SLC35C1: variants seen among roughly 807,000 people sequenced by gnomAD.
SLC35C1 encodes the protein solute carrier family 35 member C1, also known as GDP-fucose transporter 1.
Under a neutral mutation model 23.2 loss-of-function variants are expected in SLC35C1, and 8 were observed. The ratio of observed to expected loss-of-function variants is 0.35; its 90% CI spans 0.20 to 0.62. The LOEUF is 0.62. SLC35C1 is among the 20% of genes least tolerant of loss of function. SLC35C1 has a pLI of 0.75. For missense variants in SLC35C1, 422 were observed against 478.6 expected (o/e 0.88, Z 1.10); for synonymous variants, 226 against 225.1 (o/e 1.00, Z -0.04).
At chr11:45,808,282 C>G (rs988990021) in intron 1 of SLC35C1, among the ~76,000 whole-genome samples, 5 of 152,048 alleles carry the variant, frequency 3.3e-5, no homozygotes, top group African/African-American at 1.2e-4. Context: ...GGTGGATCAC[C>G]TGAGATCAGT....
rs2134597499 is a variant in SLC35C1 at position 45,810,896 on chromosome 11, T to C, written c.656T>C (p.Val219Ala). 6.2e-7 allele frequency: 1 copy of C among 1,612,334 alleles called. No homozygotes were observed. The highest frequency in any genetic ancestry group is 1.7e-5 in the Admixed American group (1 of 60,028). Residue 219 changes from valine (V) to alanine (A), a missense_variant, in exon 2 of 2, where the codon GTG becomes GCG. Transcript: ENST00000314134. The part of the protein sequence containing the change: ...VSLNAIYTTK[V>A]LPAVDGSIWR... The stretch of plus-strand genomic sequence containing the variant: ...CTCAACGCCATCTACACCACGAAGG[T>C]GCTCCCGGCGGTGGACGGCAGCATC...
chr11:45,810,606 TTG>T, intron 1 of SLC35C1, 168 bp from the exon 2 acceptor site: 1 of 985,384 alleles, frequency 1.0e-6, no homozygotes, highest in Non-Finnish European at 1.2e-6. Context: ...GTGGAGTGCT[TTG>T]CCTGCAGTGG....
In SLC35C1 at chr11:45,805,335, G is replaced by GGGCCCCCCCCCC; in HGVS notation, c.-467_-466insGGCCCCCCCCCC. On this transcript the variant is annotated 5_prime_UTR_variant, in exon 1 of 2. Transcript: ENST00000314134. ...GCTCCCTGTACGCCTCCCTCCCCCT[G>GGGCCCCCCCCCC]CCCGCCCCTCCCTCCCACAGCCGCC... is the stretch of plus-strand genomic sequence containing the variant. 14 of 566,198 alleles carry GGGCCCCCCCCCC rather than the reference G, an allele frequency of 2.5e-5. No individual in the cohort carries two copies. The highest frequency in any genetic ancestry group is 2.9e-5 in the Non-Finnish European group (14 of 483,450). 35.1% of individuals were successfully genotyped at this position (566,198 alleles called of 1,614,324 possible).
At chr11:45,810,700 T>C in intron 1 of SLC35C1, 76 bp from the exon 2 acceptor site, 3 of 1,538,824 alleles carry the variant, frequency 1.9e-6, no homozygotes, top group Non-Finnish European at 2.6e-6. Context: ...ATTTGGTGTC[T>C]GATCCTCTGT....
At position 45,805,335 on chromosome 11, in the gene SLC35C1, G is replaced by GGGCCCCCC; in HGVS notation, c.-467_-466insGGCCCCCC. The GGGCCCCCC allele has an allele frequency of 8.7e-5, 49 of 566,138 alleles. No homozygotes were observed. Among genetic ancestry groups the GGGCCCCCC allele is most frequent in the Admixed American group, 1.3e-4 (1 of 7,536 alleles). The allele number at this position is 566,138 out of a possible 1,614,324, so 35.1% of individuals were successfully genotyped here. A position where few individuals can be genotyped will look rare whatever the true frequency, so the allele number is the denominator to read the frequency against. ...GCTCCCTGTACGCCTCCCTCCCCCT[G>GGGCCCCCC]CCCGCCCCTCCCTCCCACAGCCGCC... is the stretch of plus-strand genomic sequence containing the variant. On this transcript the variant is annotated 5_prime_UTR_variant, in exon 1 of 2. Transcript: ENST00000314134.
At chr11:45,804,110 G>C (rs2085839307), upstream of SLC35C1, 1 of 152,320 alleles carries the variant, frequency 6.6e-6, no homozygotes, top group Non-Finnish European at 1.5e-5. Context: ...CCGGTAGCGC[G>C]GCGGGCCAGG....
At chr11:45,809,858 A>C in intron 1 of SLC35C1, 7 of 985,430 alleles carry the variant, frequency 7.1e-6, no homozygotes, top group Non-Finnish European at 8.4e-6. Context: ...GACTGTCACC[A>C]TGGGCAGGGG....
At position 45,811,465 on chromosome 11, in the gene SLC35C1, A is replaced by G. The variant is rs556115720; in HGVS notation, c.*130A>G. 2.1e-4 allele frequency: 146 copies of G among 682,836 alleles called. 1 individual carries two copies. In the South Asian group the frequency reaches 3.4e-3, roughly 16 times the overall value. The allele number at this position is 682,836 out of a possible 1,614,324, so 42.3% of individuals were successfully genotyped here. A position where few individuals can be genotyped will look rare whatever the true frequency, so the allele number is the denominator to read the frequency against. On this transcript the variant is annotated 3_prime_UTR_variant, in exon 2 of 2. Coordinates refer to ENST00000314134, the MANE Select transcript of SLC35C1 (RefSeq NM_018389.5). ...GGACTGGGTGCTACTTATAGACCCAATCAGAATACGGTGGTTGAGAAGGAA... is the reference window on the plus strand; with the variant it reads ...GGACTGGGTGCTACTTATAGACCCAGTCAGAATACGGTGGTTGAGAAGGAA...
rs1565044716 is a variant in SLC35C1 at position 45,812,478 on chromosome 11, T to TG, written c.*1149dup. ...AACAGAAACGTATTGCTCACAGTCCTGGGGGGCTGGGACGCCCAAGATCAA... is the reference window on the plus strand; with the variant it reads ...AACAGAAACGTATTGCTCACAGTCCTGGGGGGGCTGGGACGCCCAAGATCAA... On this transcript the variant is annotated 3_prime_UTR_variant, in exon 2 of 2. Coordinates refer to ENST00000314134, the MANE Select transcript of SLC35C1 (RefSeq NM_018389.5). The TG allele has an allele frequency of 8.8e-6, 4 of 452,660 alleles. No homozygotes were observed. Among genetic ancestry groups the TG allele is most frequent in the Non-Finnish European group, 1.8e-5 (4 of 224,860 alleles). The allele number at this position is 452,660 out of a possible 1,614,324, so 28.0% of individuals were successfully genotyped here.
chr11:45,811,304 A>G lies in SLC35C1; in HGVS notation c.1064A>G (p.Lys355Arg), dbSNP rs2085945230. The G allele has an allele frequency of 6.5e-7, 1 of 1,544,628 alleles. No homozygotes were observed. The highest frequency in any genetic ancestry group is 8.7e-7 in the Non-Finnish European group (1 of 1,153,678). Residue 355 changes from lysine (K) to arginine (R), a missense_variant, in exon 2 of 2, where the codon AAA becomes AGA. Lys to Arg is a conservative substitution (Grantham distance 26). Coordinates refer to ENST00000314134, the MANE Select transcript of SLC35C1 (RefSeq NM_018389.5). The part of the protein sequence containing the change: ...MKKTPEEPSP[K>R]DSEKSAMGV Reference sequence around the variant, plus strand: ...AAGACTCCGGAGGAGCCCAGCCCCAAAGACAGCGAGAAGAGCGCCATGGGG... The same window carrying G: ...AAGACTCCGGAGGAGCCCAGCCCCAGAGACAGCGAGAAGAGCGCCATGGGG...
At chr11:45,810,609 CCT>C in intron 1 of SLC35C1, 165 bp from the exon 2 acceptor site, 1 of 985,386 alleles carries the variant, frequency 1.0e-6, no homozygotes, top group Non-Finnish European at 1.2e-6. Flanking sequence ...GAGTGCTTTG[CCT>C]GCAGTGGAGA....
upstream of SLC35C1, chr11:45,804,990 A>C: frequency 1.0e-6 from 1 of 985,752 alleles, no homozygotes; most frequent in South Asian, 4.7e-5. Context: ...GTCCCCCGCC[A>C]GCAGCGGGCA....
At position 45,805,333 on chromosome 11, in the gene SLC35C1, C is replaced by CCGG; in HGVS notation, c.-469_-468insCGG. 7.1e-6 allele frequency: 7 copies of CCGG among 988,648 alleles called. No homozygotes were observed. Among genetic ancestry groups the CCGG allele is most frequent in the Non-Finnish European group, 7.3e-6 (6 of 822,090 alleles). 61.2% of individuals were successfully genotyped at this position (988,648 alleles called of 1,614,324 possible). A position where few individuals can be genotyped will look rare whatever the true frequency, so the allele number is the denominator to read the frequency against. On this transcript the variant is annotated 5_prime_UTR_variant, in exon 1 of 2. Coordinates refer to ENST00000314134, the MANE Select transcript of SLC35C1 (RefSeq NM_018389.5). ...CAGCTCCCTGTACGCCTCCCTCCCC[C>CCGG]TGCCCGCCCCTCCCTCCCACAGCCG... is the stretch of plus-strand genomic sequence containing the variant.
upstream of SLC35C1, chr11:45,804,868 GGGACGGAGGCTCCGGGGC>G: frequency 1.0e-6 from 1 of 985,922 alleles, no homozygotes; most frequent in Non-Finnish European, 1.2e-6. Context: ...GCCAAGTCGG[GGGACGGAGGCTCCGGGGC>G]GGACGGAGCT....
In SLC35C1 at chr11:45,805,382, C is replaced by G; in HGVS notation, c.-420C>G. 9.9e-7 allele frequency: 1 copy of G among 1,011,724 alleles called. No individual in the cohort carries two copies. Among genetic ancestry groups the G allele is most frequent in the Non-Finnish European group, 1.2e-6 (1 of 844,630 alleles). 62.7% of individuals were successfully genotyped at this position (1,011,724 alleles called of 1,614,324 possible). A position where few individuals can be genotyped will look rare whatever the true frequency, so the allele number is the denominator to read the frequency against. On this transcript the variant is annotated 5_prime_UTR_variant, in exon 1 of 2. Transcript: ENST00000314134. ...CGCCCATGACGCCCTCTCGGCACCT[C>G]TTCCCACTCTGCCACGCGTCCTTTT...
intron 1 of SLC35C1, chr11:45,810,529 T>G: frequency 1.0e-6 from 1 of 985,432 alleles, no homozygotes; most frequent in Non-Finnish European, 1.2e-6. Context: ...TTTAATGTCT[T>G]TCTCCTCTGC....
rs1324962745 is a variant in SLC35C1 at position 45,812,769 on chromosome 11, A to G, written c.*1434A>G. On this transcript the variant is annotated 3_prime_UTR_variant, in exon 2 of 2. Coordinates refer to ENST00000314134, the MANE Select transcript of SLC35C1 (RefSeq NM_018389.5). ...GGACACACACAAATTTCGGGGCCAT[A>G]CCACCCTTCACCACACCCTCCTGCG... 5 of 421,576 alleles carry G rather than the reference A, an allele frequency of 1.2e-5. No homozygotes were observed. The highest frequency in any genetic ancestry group is 2.4e-5 in the Non-Finnish European group (5 of 207,938). 26.1% of individuals were successfully genotyped at this position (421,576 alleles called of 1,614,324 possible). A position where few individuals can be genotyped will look rare whatever the true frequency, so the allele number is the denominator to read the frequency against.
chr11:45,811,246 G>T lies in SLC35C1; in HGVS notation c.1006G>T (p.Ala336Ser). ...SNMMVLGGSS[A>S]YTWVRGWEMK... ...CATGATGGTGCTGGGCGGCTCCTCC[G>T]CCTACACCTGGGTCAGGGGCTGGGA... is the stretch of plus-strand genomic sequence containing the variant. The change falls in exon 2 of 2, where the codon GCC becomes TCC. Residue 336 changes from alanine (A) to serine (S), a missense_variant. Ala to Ser is a moderately conservative substitution (Grantham distance 99). Coordinates refer to ENST00000314134, the MANE Select transcript of SLC35C1 (RefSeq NM_018389.5). 1 of 1,598,802 alleles carries T rather than the reference G, an allele frequency of 6.3e-7. No homozygotes were observed. The highest frequency in any genetic ancestry group is 8.5e-7 in the Non-Finnish European group (1 of 1,171,290).
chr11:45,813,006 A>G lies in SLC35C1; in HGVS notation c.*1671A>G, dbSNP rs2085969086. Reference sequence around the variant, plus strand: ...CTGAGTTGTTTGTGATTCAATAAAGAATCCATAAGATCCTGTGTGTGTGGC... The same window carrying G: ...CTGAGTTGTTTGTGATTCAATAAAGGATCCATAAGATCCTGTGTGTGTGGC... On this transcript the variant is annotated 3_prime_UTR_variant, in exon 2 of 2. Coordinates refer to ENST00000314134, the MANE Select transcript of SLC35C1 (RefSeq NM_018389.5). The G allele has an allele frequency of 4.4e-6, 1 of 225,840 alleles. No individual in the cohort carries two copies. The highest frequency in any genetic ancestry group is 6.3e-5 in the South Asian group (1 of 15,972). The allele number at this position is 225,840 out of a possible 1,614,324, so 14.0% of individuals were successfully genotyped here.
Sources: allele counts gnomAD v4.1 joint callset (sites outside exome capture counted in the v4.1 genomes callset), GRCh38; gene constraint gnomAD v4.1.1; transcripts MANE v1.5; gene names NCBI Gene and HGNC (gene_info 2026-07-23, HGNC 2026-07-21).